RHBDD1: variants seen among roughly 807,000 people sequenced by gnomAD.
RHBDD1 encodes the protein rhomboid-related protein 4.
RHBDD1 carries 38 observed loss-of-function variants against 36.3 expected under a neutral mutation model. The ratio of observed to expected loss-of-function variants is 1.05; its 90% CI spans 0.81 to 1.37. The LOEUF is 1.37. Ranked by LOEUF, RHBDD1 falls within the 40% of genes most tolerant of loss-of-function variation. The probability of loss-of-function intolerance (pLI) is 0.00; values close to 1 mark genes in which losing one functional copy is unlikely to be tolerated. For synonymous variants in RHBDD1, 151 were observed against 136.5 expected (o/e 1.11, Z -0.74); for missense variants, 393 against 377.6 (o/e 1.04, Z -0.34).
intron 8 of RHBDD1, chr2:226,988,835 G>T (rs1294326305): frequency 2.5e-6 from 1 of 406,026 alleles, no homozygotes; most frequent in Non-Finnish European, 3.3e-6. Context: ...GACTTTTGCA[G>T]CTAGACCTAT....
At chr2:226,929,025 A>C (rs551295711) in intron 8 of RHBDD1, among the ~76,000 whole-genome samples, 1 of 151,974 alleles carries the variant, frequency 6.6e-6, no homozygotes, top group African/African-American at 2.4e-5. Context: ...AATTGCCAAC[A>C]AAAAAAACCC....
At chr2:226,890,355 T>C (rs1946583087) in intron 5 of RHBDD1, among the ~76,000 whole-genome samples, 1 of 152,232 alleles carries the variant, frequency 6.6e-6, no homozygotes, top group African/African-American at 2.4e-5. Context: ...TCTTACAATA[T>C]TTTTATTATC....
chr2:226,988,246 G>A, intron 8 of RHBDD1: 1 of 1,247,516 alleles, frequency 8.0e-7, no homozygotes, highest in Middle Eastern at 2.0e-4. Flanking sequence ...GTTGGGAGTA[G>A]GACTCATATC....
chr2:226,801,024 C>T, the RHBDD1 span, among the ~76,000 whole-genome samples: 1 of 152,252 alleles, frequency 6.6e-6, no homozygotes, highest in Non-Finnish European at 1.5e-5. Flanking sequence ...GCTCGCCTGG[C>T]ACTAAGGACC....
the RHBDD1 span, among the ~76,000 whole-genome samples, chr2:226,825,917 TAAC>T: frequency 6.6e-6 from 1 of 151,724 alleles, no homozygotes; most frequent in Non-Finnish European, 1.5e-5. Context: ...ATTAAGAAAA[TAAC>T]AGTTATCGGG....
At chr2:226,850,383 T>G (rs917448703) in intron 3 of RHBDD1, among the ~76,000 whole-genome samples, 7 of 152,342 alleles carry the variant, frequency 4.6e-5, no homozygotes, top group Admixed American at 1.3e-4. Flanking sequence ...AGAGAGGTCT[T>G]TTAGCAAGGG....
At chr2:226,972,073 C>A (rs930240225) in intron 8 of RHBDD1, among the ~76,000 whole-genome samples, 47 of 152,182 alleles carry the variant, frequency 3.1e-4, no homozygotes, top group Non-Finnish European at 5.1e-4. Context: ...TGCTTTCCAT[C>A]CCCTTGCCCC....
At chr2:226,976,298 T>C (rs768043237) in intron 8 of RHBDD1, among the ~76,000 whole-genome samples, 4 of 147,734 alleles carry the variant, frequency 2.7e-5, no homozygotes, top group Admixed American at 6.9e-5. Context: ...CCCACCCCCC[T>C]GGAGACACCA....
At chr2:226,853,116 G>A (rs1243154228) in intron 3 of RHBDD1, among the ~76,000 whole-genome samples, 3 of 152,050 alleles carry the variant, frequency 2.0e-5, no homozygotes, top group Non-Finnish European at 2.9e-5. Flanking sequence ...ATTTTACACT[G>A]CATATTACAG....
At chr2:226,874,244 C>T (rs532760039) in intron 5 of RHBDD1, among the ~76,000 whole-genome samples, 1 of 152,220 alleles carries the variant, frequency 6.6e-6, no homozygotes, top group East Asian at 1.9e-4. Flanking sequence ...TCTGCATGGA[C>T]AGTGCCATTA....
At chr2:226,927,831 C>A (rs1386481018) in intron 8 of RHBDD1, among the ~76,000 whole-genome samples, 2 of 151,966 alleles carry the variant, frequency 1.3e-5, no homozygotes, top group African/African-American at 4.8e-5. Context: ...TTAGGGAATT[C>A]TTTATATATT....
At chr2:226,801,091 G>T in the RHBDD1 span, among the ~76,000 whole-genome samples, 3 of 152,236 alleles carry the variant, frequency 2.0e-5, no homozygotes. Context: ...CCCGTTTGGG[G>T]TTGCCGCCCC....
chr2:226,962,244 C>T (rs1244142428), intron 8 of RHBDD1, among the ~76,000 whole-genome samples: 1 of 152,224 alleles, frequency 6.6e-6, no homozygotes, highest in African/African-American at 2.4e-5. Flanking sequence ...AACTAGGAAT[C>T]TATTTACAGT....
chr2:226,985,231 T>C lies in RHBDD1; in HGVS notation c.857-10200T>C, dbSNP rs567503625. 4.6e-5 allele frequency among the ~76,000 whole-genome samples: 7 copies of C among 152,300 alleles called. No homozygotes were observed. In the East Asian group the frequency reaches 7.7e-4, roughly 17 times the overall value. Reference sequence around the variant, plus strand: ...TTCAGGATTAGAACTGGTTAAACTATCTACATTCATATCCATATCTGTATC... The same window carrying C: ...TTCAGGATTAGAACTGGTTAAACTACCTACATTCATATCCATATCTGTATC... On this transcript the variant is annotated intron_variant, in intron 8 of 8. Transcript: ENST00000392062.
rs998898477 is a variant in RHBDD1 at position 226,940,951 on chromosome 2, T to C, written c.856+26600T>C. 4.4e-4 allele frequency among the ~76,000 whole-genome samples: 62 copies of C among 141,926 alleles called. 1 individual carries two copies. Among genetic ancestry groups the C allele is most frequent in the Non-Finnish European group, 2.1e-4 (14 of 65,836 alleles). The allele number at this position is 141,926 out of a possible 152,430, so 93.1% of individuals were successfully genotyped here. On this transcript the variant is annotated intron_variant, in intron 8 of 8. Coordinates refer to ENST00000392062, the MANE Select transcript of RHBDD1 (RefSeq NM_001167608.3). ...GATTAGACTCACATTTTCTTTTTCC[T>C]TTTTTTTTTTTTTGAGATGGAATCT...
At chr2:226,807,966 C>T in the RHBDD1 span, among the ~76,000 whole-genome samples, 2 of 151,484 alleles carry the variant, frequency 1.3e-5, no homozygotes, top group African/African-American at 4.9e-5. Context: ...AGTGAGCCGA[C>T]GTCACGCCAC....
At chr2:226,945,231 A>G (rs1196594479) in intron 8 of RHBDD1, among the ~76,000 whole-genome samples, 1 of 151,504 alleles carries the variant, frequency 6.6e-6, no homozygotes, top group East Asian at 1.9e-4. Flanking sequence ...ACATAGGTAT[A>G]CATGTGCCAT....
chr2:226,848,334 A>G (rs971918674), intron 3 of RHBDD1, among the ~76,000 whole-genome samples: 1 of 151,678 alleles, frequency 6.6e-6, no homozygotes, highest in Non-Finnish European at 1.5e-5. Flanking sequence ...ATATCTTAAC[A>G]TGTGTAATGG....
chr2:226,891,303 G>C (rs1946663009), intron 5 of RHBDD1, among the ~76,000 whole-genome samples: 1 of 152,186 alleles, frequency 6.6e-6, no homozygotes, highest in South Asian at 2.1e-4. Context: ...TTGGCTGGAG[G>C]CTGCCCTCAG....
Sources: gnomAD v4.1 joint callset for allele counts (sites outside exome capture counted in the v4.1 genomes callset) on GRCh38, gnomAD v4.1.1 for gene constraint, MANE v1.5 for transcripts, NCBI Gene and HGNC (gene_info 2026-07-23, HGNC 2026-07-21) for gene names.